Variants in FILIP1L observed in about 807,000 individuals in gnomAD.
FILIP1L encodes filamin A interacting protein 1 like.
A neutral mutation model predicts 96.6 loss-of-function variants in FILIP1L; 55 were observed. The observed-to-expected ratio is 0.57, with a 90% CI of 0.46 to 0.71. FILIP1L has a LOEUF of 0.71. Ranked by LOEUF, FILIP1L falls within the 30% of genes least tolerant of loss-of-function variation. The pLI is 0.00. For synonymous variants in FILIP1L, 467 were observed against 473.9 expected (o/e 0.99, Z 0.19); for missense variants, 1,304 against 1,321.2 (o/e 0.99, Z 0.20).
intron 1 of FILIP1L, among the ~76,000 whole-genome samples, chr3:99,944,439 A>T (rs893821590): frequency 3.9e-5 from 6 of 152,202 alleles, no homozygotes; most frequent in African/African-American, 1.4e-4. Flanking sequence ...TCTCTCCACC[A>T]AGCAAGACTT....
chr3:100,086,393 C>A (rs1034288894), intron 1 of FILIP1L, among the ~76,000 whole-genome samples: 2 of 152,044 alleles, frequency 1.3e-5, no homozygotes, highest in Non-Finnish European at 2.9e-5. Flanking sequence ...ATCAGCTGAC[C>A]CCCTCTAGTT....
intron 4 of FILIP1L, among the ~76,000 whole-genome samples, chr3:99,915,371 A>G (rs892028844): frequency 5.9e-5 from 9 of 152,192 alleles, no homozygotes; most frequent in Non-Finnish European, 8.8e-5. Flanking sequence ...ATCAAAAGTA[A>G]GCCCGCTTAC....
At chr3:99,961,073 C>T (rs938878468) in intron 1 of FILIP1L, among the ~76,000 whole-genome samples, 1 of 152,188 alleles carries the variant, frequency 6.6e-6, no homozygotes, top group Non-Finnish European at 1.5e-5. Flanking sequence ...TTGAGTCCCT[C>T]TGGATTATGC....
intron 1 of FILIP1L, chr3:100,023,635 T>C (rs1227958461): frequency 6.6e-6 from 1 of 152,392 alleles, no homozygotes; most frequent in Non-Finnish European, 1.5e-5. Context: ...ATAATGTAGA[T>C]CTCCAGAAGA....
Position 99,843,271 on chromosome 3 carries a change from G to C in FILIP1L, c.3381+5024C>G, listed in dbSNP as rs144690300. ...AGAGAAACAGACCTTGTAGGTGTCA[G>C]ACAGCCTACTTTAGCTCAGCCAAAG... On this transcript the variant is annotated intron_variant, in intron 5 of 5. Coordinates refer to ENST00000477258, the MANE Select transcript of FILIP1L (RefSeq NM_001387850.1). Among the ~76,000 whole-genome samples, 448 of 152,320 alleles carry C rather than the reference G, an allele frequency of 2.9e-3. 1 individual carries two copies. The highest frequency in any genetic ancestry group is 1.0e-2 in the African/African-American group (415 of 41,560).
intron 1 of FILIP1L, among the ~76,000 whole-genome samples, chr3:99,947,901 G>A (rs1708056776): frequency 6.6e-6 from 1 of 152,002 alleles, no homozygotes; most frequent in African/African-American, 2.4e-5. Context: ...TTCCTTTCAT[G>A]GAGGAAGCTG....
chr3:99,952,689 C>A (rs1056573078), intron 1 of FILIP1L, among the ~76,000 whole-genome samples: 11 of 152,192 alleles, frequency 7.2e-5, no homozygotes, highest in Non-Finnish European at 1.3e-4. Flanking sequence ...TCTTTCTACC[C>A]TATATTTTTA....
At chr3:99,877,187 T>A (rs1705564327) in intron 4 of FILIP1L, among the ~76,000 whole-genome samples, 1 of 152,246 alleles carries the variant, frequency 6.6e-6, no homozygotes, top group Non-Finnish European at 1.5e-5. Context: ...GTGGCATTCT[T>A]ATTTGCAAGC....
At chr3:99,980,655 A>G (rs886203291) in intron 1 of FILIP1L, among the ~76,000 whole-genome samples, 3 of 152,218 alleles carry the variant, frequency 2.0e-5, no homozygotes, top group Admixed American at 2.0e-4. Flanking sequence ...TTATGGTAGT[A>G]TCATTTTTAT....
intron 1 of FILIP1L, among the ~76,000 whole-genome samples, chr3:99,987,061 A>G (rs1318229782): frequency 6.6e-6 from 1 of 151,050 alleles, no homozygotes; most frequent in Non-Finnish European, 1.5e-5. Context: ...ACACCCCATC[A>G]CTACAAAAAA....
intron 1 of FILIP1L, among the ~76,000 whole-genome samples, chr3:99,949,835 G>T (rs1020252809): frequency 2.0e-5 from 3 of 152,050 alleles, no homozygotes; most frequent in Non-Finnish European, 2.9e-5. Flanking sequence ...TCTTTGATTT[G>T]TTCATATTTT....
intron 4 of FILIP1L, among the ~76,000 whole-genome samples, chr3:99,905,938 G>T (rs1706601751): frequency 6.6e-6 from 1 of 152,092 alleles, no homozygotes; most frequent in Non-Finnish European, 1.5e-5. Flanking sequence ...CATGCTTGTA[G>T]TCCCAGCAGT....
intron 1 of FILIP1L, among the ~76,000 whole-genome samples, chr3:99,960,845 G>A (rs992159724): frequency 6.6e-5 from 10 of 152,134 alleles, no homozygotes; most frequent in South Asian, 4.1e-4. Context: ...ATATATTTTT[G>A]CGTTGTTAAT....
rs116617242 is a variant in FILIP1L at position 99,889,484 on chromosome 3, A to G, written c.605+34746T>C. The stretch of plus-strand genomic sequence containing the variant: ...TTATGTTCTGGTGAGTCTCATATAA[A>G]TAACGTATAGCTAGGAATTATAATT... On this transcript the variant is annotated intron_variant, in intron 4 of 5. Transcript: ENST00000477258. 4.5e-3 allele frequency among the ~76,000 whole-genome samples: 686 copies of G among 152,200 alleles called. 8 individuals are homozygous for G. Among genetic ancestry groups the G allele is most frequent in the African/African-American group, 0.015 (628 of 41,576 alleles).
intron 5 of FILIP1L, chr3:99,848,088 T>A (rs1035253867): frequency 5.1e-6 from 7 of 1,373,898 alleles, no homozygotes; most frequent in Non-Finnish European, 6.6e-6. Flanking sequence ...TGAAAAGATA[T>A]ACAGTAAGTG....
chr3:100,000,198 C>T (rs1184952908), intron 1 of FILIP1L, among the ~76,000 whole-genome samples: 1 of 152,200 alleles, frequency 6.6e-6, no homozygotes, highest in East Asian at 1.9e-4. Flanking sequence ...TCTGATCCTT[C>T]AGGTCTCTAT....
At chr3:99,960,077 G>A (rs1401418581) in intron 1 of FILIP1L, among the ~76,000 whole-genome samples, 1 of 152,092 alleles carries the variant, frequency 6.6e-6, no homozygotes, top group African/African-American at 2.4e-5. Flanking sequence ...GCCTCTCAAT[G>A]TTATAACGAT....
At chr3:99,842,995 G>A (rs1481527002) in intron 5 of FILIP1L, among the ~76,000 whole-genome samples, 1 of 152,202 alleles carries the variant, frequency 6.6e-6, no homozygotes, top group Non-Finnish European at 1.5e-5. Context: ...GATGTACCTT[G>A]AGGAATGGAA....
chr3:100,070,613 G>A (rs566702510), intron 1 of FILIP1L, among the ~76,000 whole-genome samples: 21 of 152,158 alleles, frequency 1.4e-4, no homozygotes, highest in South Asian at 4.2e-4. Context: ...TCATATCATC[G>A]TGGGGTTTTT....
Sources: allele counts gnomAD v4.1 joint callset (sites outside exome capture counted in the v4.1 genomes callset), GRCh38; gene constraint gnomAD v4.1.1; transcripts MANE v1.5; gene names NCBI Gene and HGNC (gene_info 2026-07-23, HGNC 2026-07-21).